Variants in SRP72 observed in about 807,000 individuals in gnomAD.
The protein encoded by SRP72 is signal recognition particle 72.
SRP72 carries 49 observed loss-of-function variants against 96.3 expected under a neutral mutation model. The observed-to-expected ratio is 0.51, with a 90% CI of 0.40 to 0.65. The LOEUF (loss-of-function observed/expected upper bound fraction) is 0.65, where lower values mean the gene tolerates loss of function less well. Among genes scored for constraint, SRP72 ranks in the 30% least tolerant of loss-of-function variants. SRP72 has a pLI of 0.00. For missense variants in SRP72, 736 were observed against 793.3 expected (o/e 0.93, Z 0.87); for synonymous variants, 267 against 275.2 (o/e 0.97, Z 0.30).
In SRP72 at chr4:56,474,091, T is replaced by C. The variant is rs1353925780; in HGVS notation, c.392T>C (p.Val131Ala). Residue 131 changes from valine (V) to alanine (A), a missense_variant, in exon 4 of 19, where the codon GTG becomes GCG. Physicochemically the swap from Val to Ala is moderately conservative, Grantham distance 64. Transcript: ENST00000642900. ...GAACGCTATGATGAATGCTTAGCAGTGTATAGAGATCTCGTCCGAAACTCC... is the reference window on the plus strand; with the variant it reads ...GAACGCTATGATGAATGCTTAGCAGCGTATAGAGATCTCGTCCGAAACTCC... ...RLERYDECLAVYRDLVRNSQD... is the reference protein window; with the variant it reads ...RLERYDECLAAYRDLVRNSQD... The C allele has an allele frequency of 3.7e-6, 6 of 1,613,992 alleles. No homozygotes were observed. The highest frequency in any genetic ancestry group is 5.1e-6 in the Non-Finnish European group (6 of 1,180,012).
chr4:56,491,701 GC>G, intron 16 of SRP72, 133 bp downstream of exon 16: 2 of 863,414 alleles, frequency 2.3e-6, no homozygotes, highest in Non-Finnish European at 3.4e-6. Flanking sequence ...CTCTCACTGT[GC>G]CCAGCTCTTT....
intron 3 of SRP72, among the ~76,000 whole-genome samples, chr4:56,473,752 C>A (rs944788466): frequency 6.6e-6 from 1 of 150,846 alleles, no homozygotes; most frequent in Non-Finnish European, 1.5e-5. Flanking sequence ...GCAACAAGAG[C>A]GAAACTCCGT....
chr4:56,470,834 T>TG (rs1719944724), intron 2 of SRP72, among the ~76,000 whole-genome samples: 2 of 151,508 alleles, frequency 1.3e-5, no homozygotes, highest in African/African-American at 4.8e-5. Context: ...AAAAGTTTTT[T>TG]TTTTTTTTTT....
chr4:56,483,079 A>G (rs1338813250), intron 8 of SRP72, 60 bp from the exon 9 acceptor site: 4 of 1,521,788 alleles, frequency 2.6e-6, no homozygotes, highest in Non-Finnish European at 3.6e-6. Flanking sequence ...AAGTTAATAG[A>G]AAAAGGAATA....
rs1447275630 is a variant in SRP72, at chr4:56,491,462, A to G, written c.1534A>G (p.Met512Val). 3 of 1,613,824 alleles carry G rather than the reference A, an allele frequency of 1.9e-6. No homozygotes were observed. Among genetic ancestry groups the G allele is most frequent in the Non-Finnish European group, 2.5e-6 (3 of 1,179,922 alleles). Residue 512 changes from methionine (M) to valine (V), a missense_variant, in exon 16 of 19, where the codon ATG (methionine) becomes GTG (valine). By Grantham distance (21) the Met-to-Val change is conservative (BLOSUM62 1). This residue lies in a region of SRP72 where 388 missense variants were observed against 431.8 expected (regional missense o/e 0.90). Coordinates refer to ENST00000642900, the MANE Select transcript of SRP72 (RefSeq NM_006947.4). ...LSKHLPSSDS[M>V]SLKVDVEALE... ...TAAACACTTGCCATCGTCAGATAGTATGTCTCTAAAAGTAGATGTTGAGGC... is the reference window on the plus strand; with the variant it reads ...TAAACACTTGCCATCGTCAGATAGTGTGTCTCTAAAAGTAGATGTTGAGGC...
intron 8 of SRP72, among the ~76,000 whole-genome samples, chr4:56,480,645 AT>A (rs1375891203): frequency 6.6e-6 from 1 of 152,216 alleles, no homozygotes; most frequent in African/African-American, 2.4e-5. Flanking sequence ...AACATAACTT[AT>A]ACACTGAACT....
At chr4:56,492,076 T>C (rs1050358464) in intron 16 of SRP72, among the ~76,000 whole-genome samples, 13 of 152,234 alleles carry the variant, frequency 8.5e-5, no homozygotes. Context: ...TGACCTCAAG[T>C]GATCTGCCCA....
At chr4:56,496,950 C>T (rs55721901) in intron 17 of SRP72, among the ~76,000 whole-genome samples, 2,264 of 152,182 alleles carry the variant, frequency 0.015, 20 homozygotes, top group Non-Finnish European at 0.021. Flanking sequence ...GATTGCGTCA[C>T]GGCACTCCAG....
At chr4:56,479,520 T>TG (rs1311432528) in intron 8 of SRP72, among the ~76,000 whole-genome samples, 1 of 134,980 alleles carries the variant, frequency 7.4e-6, no homozygotes, top group Non-Finnish European at 1.6e-5. Flanking sequence ...TCTTTCTTTC[T>TG]TTTTTTTTTT....
At chr4:56,479,281 G>A (rs1042187489) in intron 8 of SRP72, among the ~76,000 whole-genome samples, 9 of 151,978 alleles carry the variant, frequency 5.9e-5, no homozygotes, top group Admixed American at 6.6e-5. Flanking sequence ...CCGCGTTCAC[G>A]CCATTCTCCT....
intron 13 of SRP72, among the ~76,000 whole-genome samples, chr4:56,489,737 G>A (rs1028178260): frequency 6.6e-6 from 1 of 152,192 alleles, no homozygotes; most frequent in East Asian, 1.9e-4. Context: ...ATGCATTTGT[G>A]TATGTAATCT....
chr4:56,500,469 A>G, intron 17 of SRP72, 67 bp from the exon 18 acceptor site: 1 of 1,491,812 alleles, frequency 6.7e-7, no homozygotes. Flanking sequence ...GCTTAGAGAC[A>G]TCGTTTAAAC....
rs1721326365 is a variant in SRP72, at chr4:56,503,177, T to C, written c.*1316T>C. The C allele has an allele frequency of 1.3e-5, 2 of 152,206 alleles. No individual in the cohort carries two copies. Among genetic ancestry groups the C allele is most frequent in the South Asian group, 4.1e-4 (2 of 4,834 alleles). 9.4% of individuals were successfully genotyped at this position (152,206 alleles called of 1,614,324 possible). A position where few individuals can be genotyped will look rare whatever the true frequency, so the allele number is the denominator to read the frequency against. On this transcript the variant is annotated 3_prime_UTR_variant, in exon 19 of 19. Transcript: ENST00000642900. The stretch of plus-strand genomic sequence containing the variant: ...AAAGAAATGGGGTGCTGCCTTTCTG[T>C]TTAGTAAAAGCAGAATTTGCAGTGG...
intron 13 of SRP72, 21 bp from the exon 14 acceptor site, chr4:56,490,312 T>C: frequency 6.3e-7 from 1 of 1,597,508 alleles, no homozygotes; most frequent in African/African-American, 1.4e-5. Context: ...AACTTTTTTT[T>C]TCTTTTTATT....
chr4:56,501,489 T>C (rs1721260683), intron 18 of SRP72, among the ~76,000 whole-genome samples, 195 bp from the exon 19 acceptor site: 1 of 152,196 alleles, frequency 6.6e-6, no homozygotes, highest in Admixed American at 6.5e-5. Flanking sequence ...GTACCATGTT[T>C]TACTTTTCTT....
intron 8 of SRP72, 61 bp from the exon 9 acceptor site, chr4:56,483,078 G>A: frequency 2.6e-6 from 4 of 1,521,762 alleles, no homozygotes; most frequent in Non-Finnish European, 3.6e-6. Flanking sequence ...AAAGTTAATA[G>A]AAAAAGGAAT....
At position 56,474,144 on chromosome 4, in the gene SRP72, A is replaced by T. The variant is rs1374098952; in HGVS notation, c.445A>T (p.Thr149Ser). 6.2e-7 allele frequency: 1 copy of T among 1,614,244 alleles called. No homozygotes were observed. Among genetic ancestry groups the T allele is most frequent in the East Asian group, 2.2e-5 (1 of 44,884 alleles). ...AGATGATTATGATGAGGAGAGGAAA[A>T]CAAACCTTTCAGCAGTTGTTGCAGC... Reference protein sequence around the residue: ...SQDDYDEERKTNLSAVVAAQS... With the variant: ...SQDDYDEERKSNLSAVVAAQS... Residue 149 changes from threonine (T) to serine (S), a missense_variant, in exon 4 of 19, where the codon ACA becomes TCA. Coordinates refer to ENST00000642900, the MANE Select transcript of SRP72 (RefSeq NM_006947.4).
At chr4:56,477,625 A>G (rs919858769) in intron 6 of SRP72, among the ~76,000 whole-genome samples, 1 of 152,066 alleles carries the variant, frequency 6.6e-6, no homozygotes, top group Non-Finnish European at 1.5e-5. Flanking sequence ...TTTAAGTTTT[A>G]TCATTTCCTC....
intron 1 of SRP72, 36 bp downstream of exon 1, chr4:56,467,780 C>T: frequency 6.9e-7 from 1 of 1,440,320 alleles, no homozygotes; most frequent in African/African-American, 1.5e-5. Context: ...CGGGCCCAGG[C>T]CGGCTGGAGG....
Sources: gnomAD v4.1 joint callset for allele counts (sites outside exome capture counted in the v4.1 genomes callset) on GRCh38, gnomAD v4.1.1 for gene constraint, gnomAD v4.1.1 regional missense constraint, MANE v1.5 for transcripts, NCBI Gene and HGNC (gene_info 2026-07-23, HGNC 2026-07-21) for gene names.